The following SUGCT variants were observed in gnomAD, a reference collection of about 807,000 sequenced individuals.
SUGCT encodes the protein succinyl-CoA:glutarate-CoA transferase.
SUGCT carries 41 observed loss-of-function variants against 55.0 expected under a neutral mutation model. That is an observed-to-expected ratio of 0.74 (90% CI 0.58 to 0.97). SUGCT has a LOEUF of 0.97. SUGCT is among the 50% of genes least tolerant of loss of function. The pLI is 0.00. For synonymous variants in SUGCT, 187 were observed against 200.4 expected (o/e 0.93, Z 0.56); for missense variants, 568 against 547.8 (o/e 1.04, Z -0.37).
intron 6 of SUGCT, among the ~76,000 whole-genome samples, chr7:40,229,311 G>A (rs1020564303): frequency 1.8e-4 from 27 of 152,280 alleles, no homozygotes; most frequent in Non-Finnish European, 3.7e-4. Context: ...CTGAGGTCAG[G>A]AATTCAAGAC....
chr7:40,988,544 T>C, the SUGCT span, among the ~76,000 whole-genome samples: 1 of 152,072 alleles, frequency 6.6e-6, no homozygotes, highest in East Asian at 1.9e-4. Context: ...GCTCTACAGC[T>C]GTATAGGTCC....
At position 40,545,566 on chromosome 7, in the gene SUGCT, A is replaced by G. The variant is rs180969542; in HGVS notation, c.1089+49180A>G. Among the ~76,000 whole-genome samples, 33 of 152,280 alleles carry G rather than the reference A, an allele frequency of 2.2e-4. No individual in the cohort carries two copies. The East Asian group carries it at 6.0e-3, about 28-fold the overall frequency. On this transcript the variant is annotated intron_variant, in intron 12 of 13. Coordinates refer to ENST00000335693, the MANE Select transcript of SUGCT (RefSeq NM_001193313.2). ...TATGGCCTTACCTGAAAGCTTCCGG[A>G]CATTAACGCTGTTAGATCCAGTTTT...
chr7:40,831,278 C>G (rs1055405369), intron 13 of SUGCT, among the ~76,000 whole-genome samples: 56 of 152,174 alleles, frequency 3.7e-4, no homozygotes, highest in Non-Finnish European at 1.5e-4. Flanking sequence ...TCTCCTGCCC[C>G]CCTCCCTCTA....
chr7:40,996,745 G>A, the SUGCT span, among the ~76,000 whole-genome samples: 1 of 152,126 alleles, frequency 6.6e-6, no homozygotes, highest in South Asian at 2.1e-4. Flanking sequence ...CCTTCCTTCA[G>A]CTCCCAATTT....
intron 7 of SUGCT, among the ~76,000 whole-genome samples, chr7:40,240,051 A>T (rs1562602310): frequency 6.6e-6 from 1 of 152,216 alleles, no homozygotes; most frequent in Non-Finnish European, 1.5e-5. Context: ...TATTTATTAC[A>T]TGCAAATAAA....
chr7:40,983,157 T>C, the SUGCT span, among the ~76,000 whole-genome samples: 3 of 152,218 alleles, frequency 2.0e-5, no homozygotes, highest in African/African-American at 4.8e-5. Flanking sequence ...TGTTAGTGTT[T>C]TATCCGTCTT....
intron 12 of SUGCT, among the ~76,000 whole-genome samples, chr7:40,680,383 T>C (rs1784181776): frequency 6.6e-6 from 1 of 152,200 alleles, no homozygotes; most frequent in African/African-American, 2.4e-5. Flanking sequence ...TCTCTTTGGC[T>C]TATTCATGAG....
chr7:40,227,425 G>A (rs1481600348), intron 6 of SUGCT, among the ~76,000 whole-genome samples: 1 of 151,866 alleles, frequency 6.6e-6, no homozygotes, highest in Non-Finnish European at 1.5e-5. Context: ...TTGGTGATGG[G>A]ATCACAACTC....
rs1789403791 is a variant in SUGCT at position 40,241,706 on chromosome 7, G to A, written c.576+3980G>A. Among the ~76,000 whole-genome samples, 3 of 151,966 alleles carry A rather than the reference G, an allele frequency of 2.0e-5. No individual in the cohort carries two copies. In the South Asian group the frequency reaches 6.2e-4, roughly 32 times the overall value. On this transcript the variant is annotated intron_variant, in intron 7 of 13. Coordinates refer to ENST00000335693, the MANE Select transcript of SUGCT (RefSeq NM_001193313.2). ...GGAGGCCGAGGCAGGCAGATCATGA[G>A]GTCAAGAGATCGAGACCATCCTGGC... is the stretch of plus-strand genomic sequence containing the variant.
chr7:40,816,704 C>A (rs1171851354), intron 13 of SUGCT, among the ~76,000 whole-genome samples: 1 of 152,154 alleles, frequency 6.6e-6, no homozygotes, highest in African/African-American at 2.4e-5. Context: ...TCTCATCTGC[C>A]ATCTGGGATG....
the SUGCT span, among the ~76,000 whole-genome samples, chr7:40,910,575 G>A: frequency 6.6e-6 from 1 of 152,174 alleles, no homozygotes; most frequent in Non-Finnish European, 1.5e-5. Context: ...AAGAATGCCT[G>A]CCTATGTGTC....
At chr7:40,232,281 G>A (rs1259131797) in intron 6 of SUGCT, among the ~76,000 whole-genome samples, 2 of 152,192 alleles carry the variant, frequency 1.3e-5, no homozygotes, top group Non-Finnish European at 2.9e-5. Context: ...CCTCAAAGCT[G>A]TCCTTGAACA....
At chr7:40,248,894 ACACACACACACACACG>A (rs1401810872) in intron 7 of SUGCT, among the ~76,000 whole-genome samples, 17 of 124,222 alleles carry the variant, frequency 1.4e-4, no homozygotes, top group Non-Finnish European at 2.3e-4. Context: ...GCTCGCACAC[ACACACACACACACACG>A]CACACACACA....
chr7:40,493,011 A>G (rs901266556), intron 11 of SUGCT, among the ~76,000 whole-genome samples: 2 of 152,230 alleles, frequency 1.3e-5, no homozygotes, highest in African/African-American at 2.4e-5. Context: ...ATAGAAGTGA[A>G]GAAGCATATT....
chr7:40,442,082 T>A (rs1788546573), intron 9 of SUGCT, among the ~76,000 whole-genome samples: 1 of 152,134 alleles, frequency 6.6e-6, no homozygotes, highest in African/African-American at 2.4e-5. Context: ...ATAGGAGCAC[T>A]TAGGAAGTCA....
In SUGCT at chr7:40,159,008, C is replaced by G. The variant is rs146132842; in HGVS notation, c.101-21939C>G. Among the ~76,000 whole-genome samples, 590 of 152,298 alleles carry G rather than the reference C, an allele frequency of 3.9e-3. 2 individuals are homozygous for G. The highest frequency in any genetic ancestry group is 0.014 in the Middle Eastern group (4 of 294). Reference sequence around the variant, plus strand: ...ACAGCTCATTGCAGCCTTGACCTCACTGGCTCAAGTGATCCTCCTACCTCA... The same window carrying G: ...ACAGCTCATTGCAGCCTTGACCTCAGTGGCTCAAGTGATCCTCCTACCTCA... On this transcript the variant is annotated intron_variant, in intron 1 of 13. Coordinates refer to ENST00000335693, the MANE Select transcript of SUGCT (RefSeq NM_001193313.2).
At chr7:40,360,222 C>T (rs1488708992) in intron 9 of SUGCT, among the ~76,000 whole-genome samples, 1 of 152,208 alleles carries the variant, frequency 6.6e-6, no homozygotes, top group Non-Finnish European at 1.5e-5. Flanking sequence ...CCATGTTGCC[C>T]AGGCTGGTCT....
intron 12 of SUGCT, among the ~76,000 whole-genome samples, chr7:40,691,675 T>TTA (rs776187106): frequency 3.3e-5 from 5 of 152,202 alleles, no homozygotes; most frequent in Non-Finnish European, 7.3e-5. Flanking sequence ...GACATCAGAT[T>TTA]TATAGTATTC....
At chr7:40,340,442 C>T (rs1162484317) in intron 9 of SUGCT, among the ~76,000 whole-genome samples, 1 of 151,740 alleles carries the variant, frequency 6.6e-6, no homozygotes, top group East Asian at 1.9e-4. Flanking sequence ...TCAACGTGTG[C>T]ATTAAGTTAA....
Sources: allele counts gnomAD v4.1 joint callset (sites outside exome capture counted in the v4.1 genomes callset), GRCh38; gene constraint gnomAD v4.1.1; transcripts MANE v1.5; gene names NCBI Gene and HGNC (gene_info 2026-07-23, HGNC 2026-07-21).